Variants in METAP1D observed in about 807,000 individuals in gnomAD.
METAP1D encodes methionyl aminopeptidase type 1D, mitochondrial.
In METAP1D, 31 loss-of-function variants were observed where a neutral mutation model predicts 40.5. The observed-to-expected ratio is 0.77, with a 90% CI of 0.58 to 1.03. METAP1D has a LOEUF of 1.03. Among genes scored for constraint, METAP1D ranks in the 50% least tolerant of loss-of-function variants. METAP1D has a pLI of 0.00. For synonymous variants in METAP1D, 151 were observed against 146.4 expected (o/e 1.03, Z -0.22); for missense variants, 411 against 420.7 (o/e 0.98, Z 0.20).
intron 1 of METAP1D, among the ~76,000 whole-genome samples, chr2:172,045,807 GTGTGTGTGTGTGTATATATATATATA>G (rs1324488097): frequency 1.3e-3 from 68 of 52,864 alleles, no homozygotes; most frequent in Non-Finnish European, 1.8e-3. Context: ...ATGTGTGTGT[GTGTGTGTGTGTGTATATATATATATA>G]TATATATATA....
intron 1 of METAP1D, among the ~76,000 whole-genome samples, chr2:172,000,843 T>A (rs1350381788): frequency 1.3e-5 from 2 of 151,984 alleles, no homozygotes; most frequent in Non-Finnish European, 2.9e-5. Context: ...CTACAAAAAA[T>A]TTTAAAAATT....
At position 172,061,648 on chromosome 2, in the gene METAP1D, T is replaced by C; in HGVS notation, c.191T>C (p.Val64Ala). The stretch of plus-strand genomic sequence containing the variant: ...GCTGCAGTTTCTTCAGCTCATCCGG[T>C]TCCTAAGGTACTGTATTGCCTATTA... ...LPAAVSSAHP[V>A]PKHIKKPDYV... is the part of the protein sequence containing the mutation. Residue 64 changes from valine (V) to alanine (A), a missense_variant, in exon 2 of 10, where the codon GTT becomes GCT. By Grantham distance (64) the Val-to-Ala change is moderately conservative. Transcript: ENST00000315796. The C allele has an allele frequency of 6.2e-7, 1 of 1,611,826 alleles. No individual in the cohort carries two copies. Among genetic ancestry groups the C allele is most frequent in the East Asian group, 2.2e-5 (1 of 44,814 alleles).
intron 1 of METAP1D, among the ~76,000 whole-genome samples, chr2:172,005,127 G>T (rs62183803): frequency 0.24 from 36,170 of 151,826 alleles, 4,979 homozygotes; most frequent in Middle Eastern, 0.38. Flanking sequence ...TGCTGCCCAG[G>T]CTGTGAAACA....
At chr2:172,072,277 C>T (rs775939557) in intron 6 of METAP1D, 17 of 167,054 alleles carry the variant, frequency 1.0e-4, no homozygotes, top group Non-Finnish European at 1.9e-4. Context: ...AGATGCACCT[C>T]ATATTTTTGA....
At chr2:172,037,397 A>G (rs1030267213) in intron 1 of METAP1D, among the ~76,000 whole-genome samples, 2 of 152,208 alleles carry the variant, frequency 1.3e-5, no homozygotes, top group South Asian at 4.2e-4. Flanking sequence ...AACAACTGCT[A>G]CGCTAGAGAC....
intron 1 of METAP1D, among the ~76,000 whole-genome samples, chr2:172,036,462 T>A (rs1201193797): frequency 6.7e-6 from 1 of 149,644 alleles, no homozygotes; most frequent in Non-Finnish European, 1.5e-5. Flanking sequence ...GCCTTCCGGG[T>A]TCACGCCATT....
At chr2:172,036,682 A>T (rs1051085937) in intron 1 of METAP1D, among the ~76,000 whole-genome samples, 1 of 151,786 alleles carries the variant, frequency 6.6e-6, no homozygotes, top group African/African-American at 2.4e-5. Context: ...ACCTTTTTCT[A>T]TTACAAACAG....
intron 1 of METAP1D, among the ~76,000 whole-genome samples, chr2:172,057,549 G>A (rs1211355892): frequency 6.6e-6 from 1 of 152,200 alleles, no homozygotes; most frequent in African/African-American, 2.4e-5. Context: ...GTAGTGGGTG[G>A]ATTAGGCCAA....
At chr2:172,069,241 G>A (rs528084706) in intron 5 of METAP1D, among the ~76,000 whole-genome samples, 1 of 152,220 alleles carries the variant, frequency 6.6e-6, no homozygotes, top group African/African-American at 2.4e-5. Flanking sequence ...CTAGGAAAAA[G>A]TAATATGAAA....
intron 1 of METAP1D, among the ~76,000 whole-genome samples, chr2:172,030,094 A>ATT (rs1489404648): frequency 7.0e-6 from 1 of 143,574 alleles, no homozygotes; most frequent in African/African-American, 2.6e-5. Context: ...TTATTTATTT[A>ATT]TTTATTTTTT....
chr2:172,036,503 C>T (rs1039841979), intron 1 of METAP1D, among the ~76,000 whole-genome samples: 3 of 150,402 alleles, frequency 2.0e-5, no homozygotes, highest in Non-Finnish European at 4.4e-5. Flanking sequence ...GTAGCAGGGA[C>T]TACAGGCGCC....
intron 7 of METAP1D, among the ~76,000 whole-genome samples, chr2:172,078,352 C>T (rs1203979209): frequency 2.6e-5 from 4 of 152,178 alleles, no homozygotes; most frequent in African/African-American, 4.8e-5. Context: ...TGTACTCCTT[C>T]GTGATTTCTA....
At chr2:172,014,154 G>A (rs1040343085) in intron 1 of METAP1D, among the ~76,000 whole-genome samples, 10 of 149,672 alleles carry the variant, frequency 6.7e-5, no homozygotes, top group Admixed American at 2.7e-4. Flanking sequence ...ATCTCACTCT[G>A]TCACCCAGGC....
At chr2:172,067,498 G>A (rs79885512) in intron 5 of METAP1D, among the ~76,000 whole-genome samples, 1 of 152,116 alleles carries the variant, frequency 6.6e-6, no homozygotes. Context: ...CATCCTGTTG[G>A]TATCTTTCCA....
In METAP1D at chr2:172,080,335, C is replaced by G. The variant is rs1300958988; in HGVS notation, c.937C>G (p.Gln313Glu). The change falls in exon 10 of 10, where the codon CAG (glutamine) becomes GAG (glutamate). Residue 313 changes from glutamine (Q) to glutamate (E), a missense_variant. By Grantham distance (29) the Gln-to-Glu change is conservative (BLOSUM62 2). Transcript: ENST00000315796. The stretch of plus-strand genomic sequence containing the variant: ...CTGGGTGCTGTGTTACAGGTCGGCG[C>G]AGTTCGAGCACACGGTTCTGATCAC... ...VVSLDNQRSA[Q>E]FEHTVLITSR... is the part of the protein sequence containing the mutation. 1.2e-6 allele frequency: 2 copies of G among 1,613,980 alleles called. No individual in the cohort carries two copies. The highest frequency in any genetic ancestry group is 2.7e-5 in the African/African-American group (2 of 74,942).
At chr2:172,066,424 A>C in intron 5 of METAP1D, 118 bp downstream of exon 5, 1 of 757,632 alleles carries the variant, frequency 1.3e-6, no homozygotes, top group Admixed American at 3.0e-5. Flanking sequence ...TTCTAGACCC[A>C]GACGCAAGCA....
intron 1 of METAP1D, among the ~76,000 whole-genome samples, chr2:172,006,656 G>A (rs6433322): frequency 3.3e-5 from 5 of 151,952 alleles, no homozygotes; most frequent in Non-Finnish European, 7.4e-5. Flanking sequence ...TTGTTTTTAC[G>A]GAGACTGAAT....
rs775258721 is a variant in METAP1D at position 172,061,643 on chromosome 2, T to C, written c.186T>C (p.His62=). 1 of 1,612,280 alleles carries C rather than the reference T, an allele frequency of 6.2e-7. No homozygotes were observed. The change falls in exon 2 of 10, where the codon CAT becomes CAC. Residue 62 remains histidine (H), a synonymous_variant. Transcript: ENST00000315796. ...TGCCGGCTGCAGTTTCTTCAGCTCA[T>C]CCGGTTCCTAAGGTACTGTATTGCC... ...IVLPAAVSSA[H]PVPKHIKKPD...
intron 1 of METAP1D, among the ~76,000 whole-genome samples, chr2:172,032,472 A>G (rs1429322128): frequency 1.3e-5 from 2 of 152,150 alleles, no homozygotes; most frequent in Non-Finnish European, 2.9e-5. Flanking sequence ...TGAAAGCCCT[A>G]TATTTTTTAA....
Sources: gnomAD v4.1 joint callset for allele counts (sites outside exome capture counted in the v4.1 genomes callset) on GRCh38, gnomAD v4.1.1 for gene constraint, MANE v1.5 for transcripts, NCBI Gene and HGNC (gene_info 2026-07-23, HGNC 2026-07-21) for gene names.